Variants in PLAU observed in about 807,000 individuals in gnomAD.
The protein encoded by PLAU is plasminogen activator, urokinase, also known as urokinase-type plasminogen activator.
PLAU carries 32 observed loss-of-function variants against 48.9 expected under a neutral mutation model. That is an observed-to-expected ratio of 0.65 (90% CI 0.49 to 0.88). PLAU has a LOEUF of 0.88. Ranked by LOEUF, PLAU falls within the 40% of genes least tolerant of loss-of-function variation. PLAU has a pLI of 0.00. For synonymous variants in PLAU, 199 were observed against 205.7 expected (o/e 0.97, Z 0.28); for missense variants, 455 against 545.2 (o/e 0.83, Z 1.65).
At chr10:73,910,418 G>A (rs36228907), upstream of PLAU, 1 of 152,276 alleles carries the variant, frequency 6.6e-6, no homozygotes, top group Non-Finnish European at 1.5e-5. Flanking sequence ...ATCATATCAC[G>A]ACACCTAACC....
At position 73,913,659 on chromosome 10, in the gene PLAU, C is replaced by A. The variant is rs145865648; in HGVS notation, c.581C>A (p.Ala194Glu). The A allele has an allele frequency of 1.9e-6, 3 of 1,613,802 alleles. No individual in the cohort carries two copies. The highest frequency in any genetic ancestry group is 2.5e-6 in the Non-Finnish European group (3 of 1,179,870). The change falls in exon 7 of 11, where the codon GCG becomes GAG. Residue 194 changes from alanine (A) to glutamate (E), a missense_variant. By Grantham distance (107) the Ala-to-Glu change is moderately radical (BLOSUM62 -1). Transcript: ENST00000372764. ...FTTIENQPWF[A>E]AIYRRHRGGS... ...ACCATCGAGAACCAGCCCTGGTTTG[C>A]GGCCATCTACAGGAGGCACCGGGGG...
In PLAU at chr10:73,916,874, T is replaced by C. The variant is rs1026194457; in HGVS notation, c.*309T>C. 58 of 308,840 alleles carry C rather than the reference T, an allele frequency of 1.9e-4. No homozygotes were observed. The East Asian group carries it at 3.5e-3, about 18-fold the overall frequency. The allele number at this position is 308,840 out of a possible 1,614,324, so 19.1% of individuals were successfully genotyped here. On this transcript the variant is annotated 3_prime_UTR_variant, in exon 11 of 11. Transcript: ENST00000372764. ...AAAAGGGCAGGGCATCTCCTGTGCA[T>C]GGGTGAAGGGAGAGCCAGCTCCCCC...
chr10:73,911,517 C>T lies in PLAU; in HGVS notation c.-31-8C>T. On this transcript the variant is annotated splice_polypyrimidine_tract_variant and splice_region_variant and intron_variant, in intron 1 of 10. Coordinates refer to ENST00000372764, the MANE Select transcript of PLAU (RefSeq NM_002658.6). Reference sequence around the variant, plus strand: ...CGCCTCTTGCCCTGACTTCTCCTTCCTTTGCAGAGCCGCCGTCTAGCGCCC... The same window carrying T: ...CGCCTCTTGCCCTGACTTCTCCTTCTTTTGCAGAGCCGCCGTCTAGCGCCC... 6.2e-7 allele frequency: 1 copy of T among 1,604,592 alleles called. No individual in the cohort carries two copies. Among genetic ancestry groups the T allele is most frequent in the Non-Finnish European group, 8.5e-7 (1 of 1,178,320 alleles).
Position 73,913,605 on chromosome 10 carries a change from G to A in PLAU, c.527G>A (p.Arg176His), listed in dbSNP as rs756402191. The A allele has an allele frequency of 4.9e-5, 79 of 1,613,840 alleles. 1 individual carries two copies. In the South Asian group the frequency reaches 7.2e-4, roughly 15 times the overall value. ...TGTGGCCAAAAGACTCTGAGGCCCC[G>A]CTTTAAGATTATTGGGGGAGAATTC... The part of the protein sequence containing the change: ...FQCGQKTLRP[R>H]FKIIGGEFTT... Residue 176 changes from arginine to histidine, a missense_variant, in exon 7 of 11, where the codon CGC (arginine) becomes CAC (histidine). Arg to His is a conservative substitution (Grantham distance 29, BLOSUM62 0). Transcript: ENST00000372764.
intron 1 of PLAU, 101 bp from the exon 2 acceptor site, chr10:73,911,424 G>A: frequency 8.3e-7 from 1 of 1,204,994 alleles, no homozygotes; most frequent in Non-Finnish European, 1.2e-6. Context: ...AGACAGCTGG[G>A]GAGCCTGGTC....
rs1365436572 is a variant in PLAU at position 73,916,570 on chromosome 10, C to A, written c.*5C>A. The A allele has an allele frequency of 3.1e-6, 5 of 1,600,432 alleles. No individual in the cohort carries two copies. In the Admixed American group the frequency reaches 5.1e-5, roughly 16 times the overall value. On this transcript the variant is annotated 3_prime_UTR_variant, in exon 11 of 11. Coordinates refer to ENST00000372764, the MANE Select transcript of PLAU (RefSeq NM_002658.6). ...GAGAATGGCCTGGCCCTCTGAGGGTCCCCAGGGAGGAAACGGGCACCACCC... is the reference window on the plus strand; with the variant it reads ...GAGAATGGCCTGGCCCTCTGAGGGTACCCAGGGAGGAAACGGGCACCACCC...
intron 8 of PLAU, 26 bp from the exon 9 acceptor site, chr10:73,914,750 T>A: frequency 6.2e-7 from 1 of 1,607,316 alleles, no homozygotes; most frequent in South Asian, 1.1e-5. Flanking sequence ...GTGATCTTTC[T>A]CCTCTGACCC....
rs2096138785 is a variant in PLAU at position 73,917,134 on chromosome 10, G to A, written c.*569G>A. 6.5e-6 allele frequency: 1 copy of A among 153,686 alleles called. No homozygotes were observed. Among genetic ancestry groups the A allele is most frequent in the African/African-American group, 2.4e-5 (1 of 41,460 alleles). The allele number at this position is 153,686 out of a possible 1,614,324, so 9.5% of individuals were successfully genotyped here. ...GGGCTGTGAGTGTAAGTGTGAGTAAGAGCTGGTGTCTGATTGTTAAGTCTA... is the reference window on the plus strand; with the variant it reads ...GGGCTGTGAGTGTAAGTGTGAGTAAAAGCTGGTGTCTGATTGTTAAGTCTA... On this transcript the variant is annotated 3_prime_UTR_variant, in exon 11 of 11. Coordinates refer to ENST00000372764, the MANE Select transcript of PLAU (RefSeq NM_002658.6).
chr10:73,913,471 G>A (rs983430511), intron 6 of PLAU, 68 bp from the exon 7 acceptor site: 1 of 1,539,264 alleles, frequency 6.5e-7, no homozygotes, highest in African/African-American at 1.4e-5. Context: ...CTGAGGAGGT[G>A]GGGGGTGCCC....
chr10:73,913,354 G>A lies in PLAU; in HGVS notation c.433G>A (p.Glu145Lys), dbSNP rs2096128991. 6.2e-7 allele frequency: 1 copy of A among 1,614,032 alleles called. No homozygotes were observed. The highest frequency in any genetic ancestry group is 1.1e-5 in the South Asian group (1 of 91,084). ...GGTGGGCCTAAAGCTGCTTGTCCAA[G>A]AGTGCATGGTGCATGACTGCGCAGA... ...VQVGLKLLVQ[E>K]CMVHDCADGK... Residue 145 changes from glutamate to lysine, a missense_variant, in exon 6 of 11, where the codon GAG becomes AAG. Glu to Lys is a moderately conservative substitution (Grantham distance 56). Coordinates refer to ENST00000372764, the MANE Select transcript of PLAU (RefSeq NM_002658.6).
rs2227579 is a variant in PLAU, at chr10:73,911,531, C to A, written c.-25C>A. 3.2e-5 allele frequency: 51 copies of A among 1,609,292 alleles called. No homozygotes were observed. Among genetic ancestry groups the A allele is most frequent in the East Asian group, 4.5e-5 (2 of 44,882 alleles). ...ACTTCTCCTTCCTTTGCAGAGCCGC[C>A]GTCTAGCGCCCCGACCTCGCCACCA... On this transcript the variant is annotated 5_prime_UTR_variant, in exon 2 of 11. Transcript: ENST00000372764.
chr10:73,912,925 T>C lies in PLAU; in HGVS notation c.195T>C (p.Asp65=). 1 of 1,604,446 alleles carries C rather than the reference T, an allele frequency of 6.2e-7. No homozygotes were observed. The highest frequency in any genetic ancestry group is 8.5e-7 in the Non-Finnish European group (1 of 1,175,442). ...TCTCATCCTCCTGTCCCCTTGTAGATAAGTCAAAAACCTGCTATGAGGGGA... is the reference window on the plus strand; with the variant it reads ...TCTCATCCTCCTGTCCCCTTGTAGACAAGTCAAAAACCTGCTATGAGGGGA... The part of the protein sequence containing the change: ...KKFGGQHCEI[D]KSKTCYEGNG... Residue 65 remains aspartate (D), a splice_region_variant and synonymous_variant, in exon 5 of 11, where the codon GAT becomes GAC. Coordinates refer to ENST00000372764, the MANE Select transcript of PLAU (RefSeq NM_002658.6).
intron 4 of PLAU, among the ~76,000 whole-genome samples, chr10:73,912,601 A>C (rs1029840635): frequency 7.6e-6 from 1 of 132,290 alleles, no homozygotes; most frequent in Non-Finnish European, 1.7e-5. Context: ...TTGTAATCCC[A>C]GCATTTTGAG....
In PLAU at chr10:73,911,520, T is replaced by A. The variant is rs755703533; in HGVS notation, c.-31-5T>A. ...CTCTTGCCCTGACTTCTCCTTCCTT[T>A]GCAGAGCCGCCGTCTAGCGCCCCGA... On this transcript the variant is annotated splice_polypyrimidine_tract_variant and splice_region_variant and intron_variant, in intron 1 of 10. Transcript: ENST00000372764. 4 of 1,605,718 alleles carry A rather than the reference T, an allele frequency of 2.5e-6. No individual in the cohort carries two copies. Among genetic ancestry groups the A allele is most frequent in the Non-Finnish European group, 3.4e-6 (4 of 1,178,656 alleles).
At chr10:73,911,748 A>G (rs756252604) in intron 2 of PLAU, 136 bp downstream of exon 2, 1 of 1,553,130 alleles carries the variant, frequency 6.4e-7, no homozygotes, top group East Asian at 2.4e-5. Context: ...AGGAAATGGG[A>G]CAGGGTGGCA....
Position 73,911,686 on chromosome 10 carries a change from C to G in PLAU, c.57+74C>G, listed in dbSNP as rs760152676. On this transcript the variant is annotated intron_variant, in intron 2 of 10. Transcript: ENST00000372764. ...GCACCAGGGGAGAGGAGGGGCTGCTCAGGGAGCTGGGGTCCTCCGGATTCC... is the reference window on the plus strand; with the variant it reads ...GCACCAGGGGAGAGGAGGGGCTGCTGAGGGAGCTGGGGTCCTCCGGATTCC... 25 of 1,591,096 alleles carry G rather than the reference C, an allele frequency of 1.6e-5. No homozygotes were observed. The African/African-American group carries it at 2.7e-4, about 17-fold the overall frequency.
At chr10:73,914,269 A>G in intron 8 of PLAU, 141 bp downstream of exon 8, 1 of 727,948 alleles carries the variant, frequency 1.4e-6, no homozygotes, top group Non-Finnish European at 2.3e-6. Context: ...TACATGACAA[A>G]GGGAGTGGCA....
chr10:73,913,351 C>A lies in PLAU; in HGVS notation c.430C>A (p.Gln144Lys), dbSNP rs1289278765. ...YVQVGLKLLVQECMVHDCADG... is the reference protein window; with the variant it reads ...YVQVGLKLLVKECMVHDCADG... The stretch of plus-strand genomic sequence containing the variant: ...GCAGGTGGGCCTAAAGCTGCTTGTC[C>A]AAGAGTGCATGGTGCATGACTGCGC... The change falls in exon 6 of 11, where the codon CAA (glutamine) becomes AAA (lysine). Residue 144 changes from glutamine (Q) to lysine (K), a missense_variant. Transcript: ENST00000372764. The A allele has an allele frequency of 6.2e-7, 1 of 1,614,112 alleles. No individual in the cohort carries two copies. Among genetic ancestry groups the A allele is most frequent in the Admixed American group, 1.7e-5 (1 of 60,024 alleles).
intron 4 of PLAU, 44 bp downstream of exon 4, chr10:73,912,366 G>T: frequency 7.5e-7 from 1 of 1,330,680 alleles, no homozygotes; most frequent in Non-Finnish European, 1.1e-6. Context: ...TTTGGGGACA[G>T]GGAGGGATGG....
Sources: allele counts gnomAD v4.1 joint callset (sites outside exome capture counted in the v4.1 genomes callset), GRCh38; gene constraint gnomAD v4.1.1; transcripts MANE v1.5; gene names NCBI Gene and HGNC (gene_info 2026-07-23, HGNC 2026-07-21).